The following PSMA8 variants were observed in gnomAD, a reference collection of about 807,000 sequenced individuals.
The protein encoded by PSMA8 is proteasome subunit alpha-type 8.
Under a neutral mutation model 32.4 loss-of-function variants are expected in PSMA8, and 18 were observed. The ratio of observed to expected loss-of-function variants is 0.56; its 90% CI spans 0.38 to 0.82. The LOEUF is 0.82. Among genes scored for constraint, PSMA8 ranks in the 40% least tolerant of loss-of-function variants. The pLI, the probability that PSMA8 is intolerant of heterozygous loss-of-function variation, is 0.00. For missense variants in PSMA8, 298 were observed against 300.7 expected (o/e 0.99, Z 0.07); for synonymous variants, 104 against 98.1 (o/e 1.06, Z -0.36).
At chr18:26,140,112 A>C in intron 1 of PSMA8, 1 of 703,058 alleles carries the variant, frequency 1.4e-6, no homozygotes, top group Non-Finnish European at 2.6e-6. Context: ...TTGAAAAAGT[A>C]AGTACCTCTT....
intron 6 of PSMA8, among the ~76,000 whole-genome samples, chr18:26,190,719 A>C (rs929549998): frequency 6.6e-6 from 1 of 152,242 alleles, no homozygotes; most frequent in African/African-American, 2.4e-5. Context: ...GCTGTGCTTC[A>C]GCTGTAGGCA....
At chr18:26,163,971 C>T (rs1766558654) in intron 4 of PSMA8, among the ~76,000 whole-genome samples, 1 of 152,120 alleles carries the variant, frequency 6.6e-6, no homozygotes, top group African/African-American at 2.4e-5. Flanking sequence ...GAGGAGAACT[C>T]GGAGACAAGT....
intron 2 of PSMA8, among the ~76,000 whole-genome samples, chr18:26,147,937 T>C (rs1435616551): frequency 1.3e-5 from 2 of 152,210 alleles, no homozygotes; most frequent in Middle Eastern, 3.4e-3. Flanking sequence ...TGTGAACAAT[T>C]GTACATAGAC....
intron 3 of PSMA8, among the ~76,000 whole-genome samples, chr18:26,156,276 TC>T (rs1180389393): frequency 6.6e-6 from 1 of 152,144 alleles, no homozygotes; most frequent in East Asian, 1.9e-4. Flanking sequence ...AGTAGAACTA[TC>T]CTCTAATCCC....
At position 26,150,483 on chromosome 18, in the gene PSMA8, A is replaced by G. The variant is rs559608191; in HGVS notation, c.230-1375A>G. Among the ~76,000 whole-genome samples, 9 of 152,240 alleles carry G rather than the reference A, an allele frequency of 5.9e-5. No individual in the cohort carries two copies. The South Asian group carries it at 1.9e-3, about 32-fold the overall frequency. ...CTCCCAAGTAGCTAGGACTACAGGCATGTGCCAGCATGGCCTGCTAGCTTT... is the reference window on the plus strand; with the variant it reads ...CTCCCAAGTAGCTAGGACTACAGGCGTGTGCCAGCATGGCCTGCTAGCTTT... On this transcript the variant is annotated intron_variant, in intron 2 of 6. Transcript: ENST00000415576.
intron 4 of PSMA8, among the ~76,000 whole-genome samples, chr18:26,166,413 T>C (rs1753038435): frequency 6.6e-6 from 1 of 152,344 alleles, no homozygotes; most frequent in Non-Finnish European, 1.5e-5. Flanking sequence ...ACAACTGTGT[T>C]AGCTCTCATT....
intron 4 of PSMA8, among the ~76,000 whole-genome samples, chr18:26,159,814 C>A (rs561069410): frequency 1.3e-5 from 2 of 152,036 alleles, no homozygotes; most frequent in South Asian, 4.1e-4. Flanking sequence ...ACGGCGCACT[C>A]GCTTGCATAC....
intron 4 of PSMA8, among the ~76,000 whole-genome samples, chr18:26,159,176 CTAT>C (rs1207527174): frequency 3.9e-5 from 6 of 152,074 alleles, no homozygotes; most frequent in Non-Finnish European, 8.8e-5. Context: ...GTTGATTTTA[CTAT>C]TATTAAGAGC....
intron 2 of PSMA8, among the ~76,000 whole-genome samples, chr18:26,146,452 C>G (rs1174104263): frequency 6.6e-6 from 1 of 152,054 alleles, no homozygotes; most frequent in Non-Finnish European, 1.5e-5. Flanking sequence ...TTTCACAAAA[C>G]AAGTCTTAAT....
chr18:26,133,963 G>C lies in PSMA8; in HGVS notation c.-3G>C, dbSNP rs1242754527. On this transcript the variant is annotated 5_prime_UTR_variant, in exon 1 of 7. Coordinates refer to ENST00000415576, the MANE Select transcript of PSMA8 (RefSeq NM_001025096.2). ...CGGTGGCAAGCCCTTGTAGTCCTGT[G>C]CGATGGCGTCTCGATATGACAGGGC... 1 of 1,613,302 alleles carries C rather than the reference G, an allele frequency of 6.2e-7. No homozygotes were observed. Among genetic ancestry groups the C allele is most frequent in the Non-Finnish European group, 8.5e-7 (1 of 1,179,222 alleles).
chr18:26,191,221 C>G (rs1425434569), intron 6 of PSMA8, among the ~76,000 whole-genome samples: 1 of 152,102 alleles, frequency 6.6e-6, no homozygotes, highest in Non-Finnish European at 1.5e-5. Context: ...TGAAAATTTG[C>G]CTTTCCATAA....
At chr18:26,144,484 G>A (rs1162412436) in intron 1 of PSMA8, 75 bp from the exon 2 acceptor site, 1 of 1,264,570 alleles carries the variant, frequency 7.9e-7, no homozygotes, top group African/African-American at 1.5e-5. Flanking sequence ...TTTCCCCTAA[G>A]TCATATGTTA....
At chr18:26,161,551 A>T (rs901258070) in intron 4 of PSMA8, among the ~76,000 whole-genome samples, 2 of 152,194 alleles carry the variant, frequency 1.3e-5, no homozygotes, top group African/African-American at 2.4e-5. Flanking sequence ...CTCAGAGGCT[A>T]TGTTTTCTAG....
chr18:26,160,085 T>G (rs1437061387), intron 4 of PSMA8, among the ~76,000 whole-genome samples: 1 of 152,166 alleles, frequency 6.6e-6, no homozygotes, highest in African/African-American at 2.4e-5. Context: ...AAGGATTACT[T>G]GAATGCAGGA....
chr18:26,138,226 C>T (rs755702063), intron 1 of PSMA8, among the ~76,000 whole-genome samples: 5 of 152,214 alleles, frequency 3.3e-5, no homozygotes, highest in Non-Finnish European at 7.3e-5. Flanking sequence ...GAGATACTCA[C>T]ATGACCTAAG....
chr18:26,150,376 A>G (rs2055035813), intron 2 of PSMA8, among the ~76,000 whole-genome samples: 1 of 150,630 alleles, frequency 6.6e-6, no homozygotes, highest in Non-Finnish European at 1.5e-5. Flanking sequence ...TCACTTTGTC[A>G]CCCCCAGTGG....
intron 4 of PSMA8, among the ~76,000 whole-genome samples, chr18:26,173,655 C>T (rs771665162): frequency 2.6e-5 from 4 of 151,862 alleles, no homozygotes; most frequent in Non-Finnish European, 4.4e-5. Context: ...CCCCCAGGTT[C>T]AAGCGATTCT....
At position 26,192,961 on chromosome 18, in the gene PSMA8, C is replaced by G. The variant is rs2055416094; in HGVS notation, c.*550C>G. 1 of 151,226 alleles carries G rather than the reference C, an allele frequency of 6.6e-6. No individual in the cohort carries two copies. The allele number at this position is 151,226 out of a possible 1,614,324, so 9.4% of individuals were successfully genotyped here. On this transcript the variant is annotated 3_prime_UTR_variant, in exon 7 of 7. Coordinates refer to ENST00000415576, the MANE Select transcript of PSMA8 (RefSeq NM_001025096.2). The stretch of plus-strand genomic sequence containing the variant: ...CAATATTTCGTTATTTTTATTTTAC[C>G]TTTTTCATTTTACAAGTTGCAATAT...
intron 4 of PSMA8, among the ~76,000 whole-genome samples, chr18:26,164,639 C>G (rs2055163291): frequency 6.6e-6 from 1 of 151,894 alleles, no homozygotes; most frequent in South Asian, 2.1e-4. Context: ...TAATGAAAAA[C>G]AAAATAAAGG....
Sources: allele counts gnomAD v4.1 joint callset (sites outside exome capture counted in the v4.1 genomes callset), GRCh38; gene constraint gnomAD v4.1.1; transcripts MANE v1.5; gene names NCBI Gene and HGNC (gene_info 2026-07-23, HGNC 2026-07-21).